Variants in MCOLN2 observed in about 807,000 individuals in gnomAD.
The protein encoded by MCOLN2 is mucolipin TRP cation channel 2.
Under a neutral mutation model 67.5 loss-of-function variants are expected in MCOLN2, and 57 were observed. The ratio of observed to expected loss-of-function variants is 0.84; its 90% confidence interval spans 0.68 to 1.05. The LOEUF (loss-of-function observed/expected upper bound fraction) is 1.05. MCOLN2 is among the 50% of genes least tolerant of loss of function. MCOLN2 has a pLI of 0.00. For missense variants in MCOLN2, 620 were observed against 678.8 expected, an observed-to-expected ratio of 0.91 and a Z score of 0.96; for synonymous variants, 246 against 233.3, an observed-to-expected ratio of 1.05 and a Z score of -0.50.
rs112688504 is a variant in MCOLN2 at position 84,927,192 on chromosome 1, T to C, written c.1665-471A>G. On this transcript the variant is annotated intron_variant, in intron 13 of 13. Coordinates refer to ENST00000370608, the MANE Select transcript of MCOLN2 (RefSeq NM_153259.4). ...ACGTTCAGCACATGTATCCCAGAAT[T>C]TAAAGTAAAATTAAAAAAAAAAAAA... Among the ~76,000 whole-genome samples, 50 of 139,798 alleles carry C rather than the reference T, an allele frequency of 3.6e-4. No homozygotes were observed. In the East Asian group the frequency reaches 8.4e-3, roughly 23 times the overall value. 91.7% of individuals were successfully genotyped at this position (139,798 alleles called of 152,430 possible). A position where few individuals can be genotyped will look rare whatever the true frequency, so the allele number is the denominator to read the frequency against.
intron 1 of MCOLN2, among the ~76,000 whole-genome samples, chr1:84,987,536 G>GTATA (rs1557665804): frequency 4.6e-5 from 1 of 21,644 alleles, no homozygotes; most frequent in African/African-American, 1.3e-4. Context: ...ATACATCTAT[G>GTATA]TATACATAGA....
rs1486409152 is a variant in MCOLN2 at position 84,958,645 on chromosome 1, C to T, written c.295G>A (p.Val99Ile). Residue 99 changes from valine (V) to isoleucine (I), a missense_variant, in exon 3 of 14, where the codon GTT (valine) becomes ATT (isoleucine). Physicochemically the swap from Val to Ile is conservative, Grantham distance 29. Coordinates refer to ENST00000370608, the MANE Select transcript of MCOLN2 (RefSeq NM_153259.4). ...TTCAAAAACAAGTGCTTAAAAGCAA[C>T]AGTGTTATCTTCTTTGAAAGCAACC... The part of the protein sequence containing the change: ...LVVAFKEDNT[V>I]AFKHLFLKGY... The T allele has an allele frequency of 1.2e-6, 2 of 1,609,518 alleles. No individual in the cohort carries two copies. The highest frequency in any genetic ancestry group is 2.2e-5 in the South Asian group (2 of 89,934).
intron 1 of MCOLN2, 131 bp from the exon 2 acceptor site, chr1:84,965,839 C>A: frequency 6.3e-3 from 3,446 of 550,608 alleles, no homozygotes; most frequent in East Asian, 9.8e-3. Context: ...TTTATGAACA[C>A]AAAATAAAAA....
At chr1:84,930,975 T>C (rs367653710) in intron 12 of MCOLN2, among the ~76,000 whole-genome samples, 20 of 151,910 alleles carry the variant, frequency 1.3e-4, no homozygotes, top group Admixed American at 9.2e-4. Flanking sequence ...TATTATCCAG[T>C]GTGAGTTGTA....
intron 1 of MCOLN2, among the ~76,000 whole-genome samples, chr1:84,980,136 G>A (rs186412234): frequency 1.3e-5 from 2 of 152,108 alleles, no homozygotes; most frequent in East Asian, 3.9e-4. Context: ...TCTCTATAAT[G>A]AAAACTGTAA....
Position 84,937,810 on chromosome 1 carries a change from A to T in MCOLN2, c.1280T>A (p.Ile427Asn). 6.2e-7 allele frequency: 1 copy of T among 1,614,220 alleles called. No individual in the cohort carries two copies. Among genetic ancestry groups the T allele is most frequent in the Non-Finnish European group, 8.5e-7 (1 of 1,180,028 alleles). Residue 427 changes from isoleucine (I) to asparagine (N), a missense_variant, in exon 11 of 14, where the codon ATT (isoleucine) becomes AAT (asparagine). Transcript: ENST00000370608. ...GCCACAGAATGTGTAACCCAGATAA[A>T]TCATACCAGCACAAGCACAAAACCG... ...VLRFCACAGM[I>N]YLGYTFCGWI...
At chr1:84,967,203 C>T (rs1470311510) in intron 1 of MCOLN2, among the ~76,000 whole-genome samples, 1 of 152,210 alleles carries the variant, frequency 6.6e-6, no homozygotes, top group African/African-American at 2.4e-5. Context: ...TAGACAGGCA[C>T]TATGCCTAAT....
chr1:84,980,082 C>A (rs1557661091), intron 1 of MCOLN2, among the ~76,000 whole-genome samples: 1 of 152,062 alleles, frequency 6.6e-6, no homozygotes, highest in East Asian at 1.9e-4. Context: ...ACAATAGCCA[C>A]AAATAAAATA....
At chr1:84,974,447 G>A (rs970182136) in intron 1 of MCOLN2, among the ~76,000 whole-genome samples, 6 of 151,674 alleles carry the variant, frequency 4.0e-5, no homozygotes, top group Admixed American at 2.6e-4. Context: ...CTTGGATACC[G>A]GCTCAGCCAC....
At chr1:84,963,155 C>T (rs1052104869) in intron 2 of MCOLN2, among the ~76,000 whole-genome samples, 2 of 152,202 alleles carry the variant, frequency 1.3e-5, no homozygotes, top group African/African-American at 2.4e-5. Context: ...ACTCCCTTTG[C>T]TCCAGTTTCT....
At chr1:84,933,805 T>C (rs1258567414) in intron 11 of MCOLN2, among the ~76,000 whole-genome samples, 3 of 152,230 alleles carry the variant, frequency 2.0e-5, no homozygotes, top group Admixed American at 2.0e-4. Context: ...TTTAGTTACT[T>C]ACCAGGCTAC....
At chr1:84,959,616 C>T (rs763416946) in intron 2 of MCOLN2, among the ~76,000 whole-genome samples, 51 of 152,172 alleles carry the variant, frequency 3.4e-4, no homozygotes, top group Non-Finnish European at 4.9e-4. Flanking sequence ...CACATACATA[C>T]ACAGGCAGTG....
chr1:84,950,752 C>T (rs1438652450), intron 6 of MCOLN2, among the ~76,000 whole-genome samples: 1 of 152,066 alleles, frequency 6.6e-6, no homozygotes, highest in Non-Finnish European at 1.5e-5. Context: ...TGAACACAAG[C>T]CAGGTTTGCC....
chr1:84,949,810 C>G (rs2102831146), intron 6 of MCOLN2, among the ~76,000 whole-genome samples: 1 of 151,734 alleles, frequency 6.6e-6, no homozygotes, highest in East Asian at 1.9e-4. Context: ...ACAAAACTGT[C>G]AGTCAAGAAT....
rs1385403899 is a variant in MCOLN2, at chr1:84,987,554, ATC to A, written c.77+9240_77+9241del. The stretch of plus-strand genomic sequence containing the variant: ...CATCTATGTATACATAGATGTATAC[ATC>A]TATGTATACATAGATGTATACATAG... On this transcript the variant is annotated intron_variant, in intron 1 of 13. Transcript: ENST00000370608. Among the ~76,000 whole-genome samples, 55 of 87,016 alleles carry A rather than the reference ATC, an allele frequency of 6.3e-4. 6 individuals carry two copies. Among genetic ancestry groups the A allele is most frequent in the African/African-American group, 1.7e-3 (40 of 23,396 alleles). 57.1% of individuals were successfully genotyped at this position (87,016 alleles called of 152,430 possible).
At chr1:84,953,899 G>T (rs1446147529) in intron 4 of MCOLN2, among the ~76,000 whole-genome samples, 1 of 152,192 alleles carries the variant, frequency 6.6e-6, no homozygotes, top group African/African-American at 2.4e-5. Flanking sequence ...CCTTGCCCAG[G>T]CTGTTGCTGC....
chr1:84,992,560 GT>G (rs1650944117), intron 1 of MCOLN2, among the ~76,000 whole-genome samples: 1 of 152,192 alleles, frequency 6.6e-6, no homozygotes, highest in Non-Finnish European at 1.5e-5. Context: ...GAACATTGTA[GT>G]TTGATAAGAT....
chr1:84,987,439 GATATATACATATATACATATAT>G (rs1650593418), intron 1 of MCOLN2, among the ~76,000 whole-genome samples: 19 of 97,626 alleles, frequency 1.9e-4, no homozygotes, highest in Admixed American at 2.3e-4. Context: ...TACGTATATA[GATATATACATATATACATATAT>G]GTATATATAG....
intron 2 of MCOLN2, 55 bp from the exon 3 acceptor site, chr1:84,958,757 C>A: frequency 7.7e-7 from 1 of 1,305,012 alleles, no homozygotes; most frequent in East Asian, 2.4e-5. Flanking sequence ...TCAGGGGAGG[C>A]AAATGTCTTC....
Sources: allele counts gnomAD v4.1 joint callset (sites outside exome capture counted in the v4.1 genomes callset), GRCh38; gene constraint gnomAD v4.1.1; transcripts MANE v1.5; gene names NCBI Gene and HGNC (gene_info 2026-07-23, HGNC 2026-07-21).